TLN2: variants seen among roughly 807,000 people sequenced by gnomAD.
TLN2 encodes talin-2.
Under a neutral mutation model 294.7 loss-of-function variants are expected in TLN2, and 118 were observed. The observed-to-expected ratio is 0.40, with a 90% confidence interval of 0.34 to 0.47. The LOEUF is 0.47. Among genes scored for constraint, TLN2 ranks in the 20% least tolerant of loss-of-function variants. The pLI is 0.84. For synonymous variants in TLN2, 1,431 were observed against 1,304.5 expected, an observed-to-expected ratio of 1.10 and a Z score of -2.09; for missense variants, 3,083 against 3,282.2, an observed-to-expected ratio of 0.94 and a Z score of 1.48.
chr15:62,460,446 A>G (rs1436019728), intron 1 of TLN2, among the ~76,000 whole-genome samples: 1 of 152,098 alleles, frequency 6.6e-6, no homozygotes, highest in Non-Finnish European at 1.5e-5. Flanking sequence ...TATTTTTAGT[A>G]GAGACGGGGT....
chr15:62,582,240 A>ACG (rs1227928279), intron 1 of TLN2, among the ~76,000 whole-genome samples: 5 of 145,048 alleles, frequency 3.4e-5, no homozygotes, highest in African/African-American at 1.0e-4. Context: ...ACACACACAC[A>ACG]CACACACATT....
chr15:62,698,292 A>G lies in TLN2; in HGVS notation c.1473+424A>G, dbSNP rs143218085. On this transcript the variant is annotated intron_variant, in intron 15 of 58. Coordinates refer to ENST00000636159, the MANE Select transcript of TLN2 (RefSeq NM_015059.3). ...AGGCCGGCCTTGGGACTCCCTTGCT[A>G]TTGTGTGAGAACTTTTCGAAAGCTC... Among the ~76,000 whole-genome samples, 948 of 152,280 alleles carry G rather than the reference A, an allele frequency of 6.2e-3. 14 individuals are homozygous for G. Among genetic ancestry groups the G allele is most frequent in the African/African-American group, 0.022 (915 of 41,536 alleles).
At chr15:62,743,143 C>T (rs973260309) in intron 32 of TLN2, among the ~76,000 whole-genome samples, 1 of 152,152 alleles carries the variant, frequency 6.6e-6, no homozygotes, top group Admixed American at 6.5e-5. Context: ...TAGAACAGTC[C>T]TGCATAAAAG....
At chr15:62,582,195 T>TACACACACACACACACACCC (rs2045118143) in intron 1 of TLN2, among the ~76,000 whole-genome samples, 1 of 66,474 alleles carries the variant, frequency 1.5e-5, no homozygotes, top group African/African-American at 5.6e-5. Flanking sequence ...TGTGTATGCA[T>TACACACACACACACACACCC]ACACACACAC....
chr15:62,827,827 A>G (rs1244736286), intron 54 of TLN2: 6 of 152,254 alleles, frequency 3.9e-5, no homozygotes, highest in Admixed American at 1.3e-4. Context: ...CATGCTTTAC[A>G]TATACTAATC....
chr15:62,617,040 A>G (rs1023828829), intron 2 of TLN2, among the ~76,000 whole-genome samples: 1 of 152,080 alleles, frequency 6.6e-6, no homozygotes, highest in South Asian at 2.1e-4. Context: ...CTGCCATGCA[A>G]TGCACATGTC....
chr15:62,841,924 T>C lies in TLN2; in HGVS notation c.*1314T>C, dbSNP rs937859510. On this transcript the variant is annotated 3_prime_UTR_variant, in exon 59 of 59. Coordinates refer to ENST00000636159, the MANE Select transcript of TLN2 (RefSeq NM_015059.3). ...GAAGGTAAAAGTTAATGGAAGTACATGATTTTCAAAACTGGTAACAGTTAA... is the reference window on the plus strand; with the variant it reads ...GAAGGTAAAAGTTAATGGAAGTACACGATTTTCAAAACTGGTAACAGTTAA... 6.6e-6 allele frequency: 1 copy of C among 152,168 alleles called. No individual in the cohort carries two copies. The highest frequency in any genetic ancestry group is 1.9e-4 in the East Asian group (1 of 5,154). The allele number at this position is 152,168 out of a possible 1,614,324, so 9.4% of individuals were successfully genotyped here.
chr15:62,527,394 A>G (rs760234987), intron 1 of TLN2, among the ~76,000 whole-genome samples: 3 of 152,172 alleles, frequency 2.0e-5, no homozygotes, highest in African/African-American at 4.8e-5. Flanking sequence ...CGTTAGCTGT[A>G]TTATGCTAAA....
At chr15:62,740,493 A>T (rs957062744) in intron 31 of TLN2, 137 bp from the exon 32 acceptor site, 2 of 1,078,458 alleles carry the variant, frequency 1.9e-6, no homozygotes, top group Non-Finnish European at 2.7e-6. Flanking sequence ...CGAGTTAGGC[A>T]TCTGCGGGCT....
At chr15:62,700,003 C>G (rs151065929) in intron 16 of TLN2, among the ~76,000 whole-genome samples, 126 of 152,324 alleles carry the variant, frequency 8.3e-4, no homozygotes, top group Middle Eastern at 3.4e-3. Context: ...GCCAGGATAA[C>G]TGCCCTCCAA....
At chr15:62,657,987 A>G in intron 9 of TLN2, 89 bp downstream of exon 9, 2 of 1,259,364 alleles carry the variant, frequency 1.6e-6, no homozygotes, top group Non-Finnish European at 2.2e-6. Flanking sequence ...GTCTAAGATC[A>G]TACCCTAATT....
In TLN2 at chr15:62,701,139, G is replaced by A. The variant is rs1595714106; in HGVS notation, c.1621G>A (p.Glu541Lys). 4.3e-6 allele frequency: 7 copies of A among 1,613,976 alleles called. No individual in the cohort carries two copies. Among genetic ancestry groups the A allele is most frequent in the African/African-American group, 2.7e-5 (2 of 74,866 alleles). Residue 541 changes from glutamate (E) to lysine (K), a missense_variant, in exon 17 of 59, where the codon GAA becomes AAA. Physicochemically the swap from Glu to Lys is moderately conservative, Grantham distance 56. Coordinates refer to ENST00000636159, the MANE Select transcript of TLN2 (RefSeq NM_015059.3). Reference protein sequence around the residue: ...SRVWVQNKVDESKHEIHSQVD... With the variant: ...SRVWVQNKVDKSKHEIHSQVD... ...GGTATGGGTTCAGAACAAAGTCGAC[G>A]AATCCAAACACGAAATCCATTCTCA...
intron 22 of TLN2, among the ~76,000 whole-genome samples, chr15:62,714,587 A>G (rs1390421549): frequency 6.6e-6 from 1 of 152,106 alleles, no homozygotes; most frequent in Non-Finnish European, 1.5e-5. Flanking sequence ...CTAAGTATTC[A>G]TGTGATTTTG....
chr15:62,726,704 T>G (rs1312968734), intron 27 of TLN2, among the ~76,000 whole-genome samples: 2 of 152,232 alleles, frequency 1.3e-5, no homozygotes, highest in African/African-American at 4.8e-5. Context: ...AAGGATTTGT[T>G]GCAGACTTTC....
In TLN2 at chr15:62,418,201, T is replaced by TGG. The variant is rs200002681; in HGVS notation, c.-238+27520_-238+27521dup. On this transcript the variant is annotated intron_variant, in intron 1 of 58. Coordinates refer to ENST00000636159, the MANE Select transcript of TLN2 (RefSeq NM_015059.3). ...GCTGGGTGCAGTGGTTGACCCACAG[T>TGG]GGGGGCTCTGGGAATCTGCCTCCCC... Among the ~76,000 whole-genome samples, 154 of 152,212 alleles carry TGG rather than the reference T, an allele frequency of 1.0e-3. 3 individuals are homozygous for TGG. The East Asian group carries it at 0.028, about 28-fold the overall frequency.
chr15:62,693,190 G>T (rs1010470883), intron 13 of TLN2, among the ~76,000 whole-genome samples: 4 of 152,116 alleles, frequency 2.6e-5, no homozygotes, highest in Non-Finnish European at 5.9e-5. Context: ...AAGTTAGCCG[G>T]GCGTGGTGGC....
intron 13 of TLN2, 46 bp downstream of exon 13, chr15:62,692,987 A>T (rs371847170): frequency 6.5e-7 from 1 of 1,539,036 alleles, no homozygotes. Flanking sequence ...GGCTTTATTA[A>T]AAGGCTTGGT....
At chr15:62,819,771 GT>G in intron 53 of TLN2, 150 bp downstream of exon 53, 1 of 631,882 alleles carries the variant, frequency 1.6e-6, no homozygotes, top group Non-Finnish European at 2.7e-6. Context: ...AAGCAAATGG[GT>G]TTAGAGTTAA....
chr15:62,773,235 GC>G lies in TLN2; in HGVS notation c.5367+2103del, dbSNP rs953171566. Among the ~76,000 whole-genome samples the G allele has an allele frequency of 1.1e-4, 13 of 120,818 alleles. No individual in the cohort carries two copies. The South Asian group carries it at 2.2e-3, about 21-fold the overall frequency. The allele number at this position is 120,818 out of a possible 152,430, so 79.3% of individuals were successfully genotyped here. A position where few individuals can be genotyped will look rare whatever the true frequency, so the allele number is the denominator to read the frequency against. ...CAAGTACCTGGGATTACAGGTGCAA[GC>G]CACAACACCCAGCTTGGACTTAGTT... is the stretch of plus-strand genomic sequence containing the variant. On this transcript the variant is annotated intron_variant, in intron 42 of 58. Coordinates refer to ENST00000636159, the MANE Select transcript of TLN2 (RefSeq NM_015059.3).
Sources: allele counts gnomAD v4.1 joint callset (sites outside exome capture counted in the v4.1 genomes callset), GRCh38; gene constraint gnomAD v4.1.1; transcripts MANE v1.5; gene names NCBI Gene and HGNC (gene_info 2026-07-23, HGNC 2026-07-21).